The following EHD4 variants were observed in gnomAD, a reference collection of about 807,000 sequenced individuals.
The protein encoded by EHD4 is EH domain-containing protein 4.
In EHD4, 37 loss-of-function variants were observed where a neutral mutation model predicts 51.0. The ratio of observed to expected loss-of-function variants is 0.73; its 90% CI spans 0.56 to 0.95. The LOEUF (loss-of-function observed/expected upper bound fraction) is 0.95. Among genes scored for constraint, EHD4 ranks in the 40% least tolerant of loss-of-function variants. The probability of loss-of-function intolerance (pLI) is 0.00; values close to 1 mark genes in which losing one functional copy is unlikely to be tolerated. For missense variants in EHD4, 632 were observed against 733.1 expected (o/e 0.86, Z 1.59); for synonymous variants, 297 against 317.3 (o/e 0.94, Z 0.68).
intron 4 of EHD4, among the ~76,000 whole-genome samples, chr15:41,914,040 A>ATGTGTG (rs5812208): frequency 0.01 from 1,565 of 150,882 alleles, 12 homozygotes; most frequent in Non-Finnish European, 0.017. Context: ...GTGTCCAATG[A>ATGTGTG]TGTGTGTGTG....
At chr15:41,928,998 G>A (rs1349348712) in intron 3 of EHD4, 1 of 152,256 alleles carries the variant, frequency 6.6e-6, no homozygotes, top group Non-Finnish European at 1.5e-5. Flanking sequence ...GAGGCTGGAT[G>A]TGAGTTCACC....
Position 41,972,276 on chromosome 15 carries a change from G to A in EHD4, c.219C>T (p.Gly73=). The A allele has an allele frequency of 6.3e-7, 1 of 1,583,034 alleles. No individual in the cohort carries two copies. Among genetic ancestry groups the A allele is most frequent in the Non-Finnish European group, 8.6e-7 (1 of 1,166,752 alleles). The part of the protein sequence containing the change: ...MILLVGQYST[G]KTTFIRYLLE... ...GACGGTACCTGATGAAGGTGGTCTTGCCGGTGCTGTACTGGCCCACCAGCA... is the reference window on the plus strand; with the variant it reads ...GACGGTACCTGATGAAGGTGGTCTTACCGGTGCTGTACTGGCCCACCAGCA... The change falls in exon 1 of 6, where the codon GGC becomes GGT. Residue 73 remains glycine, a synonymous_variant. Transcript: ENST00000220325.
At chr15:41,903,449 TACATACACAC>T (rs900258670) in intron 5 of EHD4, among the ~76,000 whole-genome samples, 2 of 102,318 alleles carry the variant, frequency 2.0e-5, no homozygotes, top group Non-Finnish European at 4.0e-5. Context: ...GCCATTAACA[TACATACACAC>T]ACACACACAC....
At chr15:41,933,821 T>C (rs2067713505) in intron 3 of EHD4, among the ~76,000 whole-genome samples, 1 of 152,286 alleles carries the variant, frequency 6.6e-6, no homozygotes, top group African/African-American at 2.4e-5. Flanking sequence ...CTAAAAATCC[T>C]AGCTTCCGAA....
At chr15:41,931,354 A>G (rs894314300) in intron 3 of EHD4, among the ~76,000 whole-genome samples, 1 of 152,046 alleles carries the variant, frequency 6.6e-6, no homozygotes, top group Admixed American at 6.5e-5. Flanking sequence ...TCTACAAAAA[A>G]TGCAAAACAT....
intron 3 of EHD4, among the ~76,000 whole-genome samples, chr15:41,927,868 G>A (rs1236942673): frequency 6.6e-6 from 1 of 152,180 alleles, no homozygotes; most frequent in Non-Finnish European, 1.5e-5. Flanking sequence ...GTAAAATACA[G>A]TAAAATTGGT....
At chr15:41,917,436 G>A (rs997394745) in intron 4 of EHD4, among the ~76,000 whole-genome samples, 1 of 152,136 alleles carries the variant, frequency 6.6e-6, no homozygotes, top group Non-Finnish European at 1.5e-5. Flanking sequence ...TTATTTATAT[G>A]ACTGAATACA....
chr15:41,903,035 G>C (rs2067488293), intron 5 of EHD4, among the ~76,000 whole-genome samples: 1 of 151,692 alleles, frequency 6.6e-6, no homozygotes, highest in African/African-American at 2.4e-5. Context: ...GAGTTACCTA[G>C]AGCTTTACAT....
chr15:41,970,081 A>G (rs185388291), intron 1 of EHD4, among the ~76,000 whole-genome samples: 2 of 152,310 alleles, frequency 1.3e-5, no homozygotes, highest in East Asian at 3.9e-4. Flanking sequence ...TGGTTCATTT[A>G]CAGTGTCTGG....
At chr15:41,923,287 A>C (rs544712391) in intron 3 of EHD4, among the ~76,000 whole-genome samples, 1 of 152,254 alleles carries the variant, frequency 6.6e-6, no homozygotes, top group South Asian at 2.1e-4. Flanking sequence ...CTCAAGGTCC[A>C]TCTGTGGTGT....
chr15:41,906,892 T>C (rs1439186618), intron 5 of EHD4, among the ~76,000 whole-genome samples: 1 of 152,194 alleles, frequency 6.6e-6, no homozygotes, highest in African/African-American at 2.4e-5. Context: ...GTACTGGGCA[T>C]AGACCTGAGT....
intron 3 of EHD4, among the ~76,000 whole-genome samples, chr15:41,932,305 G>T (rs374896506): frequency 6.6e-6 from 1 of 152,214 alleles, no homozygotes; most frequent in African/African-American, 2.4e-5. Context: ...GTGAGTGGGC[G>T]GGTGAGCTGG....
At position 41,962,018 on chromosome 15, in the gene EHD4, GA is replaced by G. The variant is rs200620283; in HGVS notation, c.237-8079del. ...AGCAATACCCTGCCAAAAAAAATAAGAGAAATAAAAAGCCCATTCATAAGAG... is the reference window on the plus strand; with the variant it reads ...AGCAATACCCTGCCAAAAAAAATAAGGAAATAAAAAGCCCATTCATAAGAG... On this transcript the variant is annotated intron_variant, in intron 1 of 5. Transcript: ENST00000220325. Among the ~76,000 whole-genome samples the G allele has an allele frequency of 1.4e-3, 212 of 152,184 alleles. 2 individuals are homozygous for G. In the East Asian group the frequency reaches 0.021, roughly 15 times the overall value.
In EHD4 at chr15:41,953,799, T is replaced by C. The variant is rs1449983695; in HGVS notation, c.378A>G (p.Arg126=). ...AAGCGTTTCCAAAGCGACTGAGCTTTCTAAACGGCTTTTTGGGGTCCACGA... is the reference window on the plus strand; with the variant it reads ...AAGCGTTTCCAAAGCGACTGAGCTTCCTAAACGGCTTTTTGGGGTCCACGA... The part of the protein sequence containing the change: ...ALVVDPKKPF[R]KLSRFGNAFL... Residue 126 remains arginine (R), a synonymous_variant, in exon 2 of 6, where the codon AGA becomes AGG. Transcript: ENST00000220325. 6.2e-7 allele frequency: 1 copy of C among 1,612,586 alleles called. No homozygotes were observed. Among genetic ancestry groups the C allele is most frequent in the Non-Finnish European group, 8.5e-7 (1 of 1,179,616 alleles).
chr15:41,940,857 G>C (rs117595127), intron 3 of EHD4, among the ~76,000 whole-genome samples: 1,649 of 152,326 alleles, frequency 0.011, 14 homozygotes, highest in Non-Finnish European at 0.018. Flanking sequence ...CAAGACTCAG[G>C]TGAACAGAAC....
intron 1 of EHD4, among the ~76,000 whole-genome samples, chr15:41,962,792 T>G (rs1595546712): frequency 6.6e-6 from 1 of 151,720 alleles, no homozygotes; most frequent in African/African-American, 2.4e-5. Context: ...GTCTGGGAGG[T>G]GTACCCAACA....
chr15:41,970,962 C>T (rs193292231), intron 1 of EHD4, among the ~76,000 whole-genome samples: 84 of 152,252 alleles, frequency 5.5e-4, no homozygotes, highest in African/African-American at 1.4e-3. Context: ...GTCTGGGTGA[C>T]GGTGACATAT....
In EHD4 at chr15:41,900,726, G is replaced by A. The variant is rs141440763; in HGVS notation, c.1545C>T (p.Leu515=). 1.8e-5 allele frequency: 29 copies of A among 1,612,242 alleles called. 1 individual carries two copies. The highest frequency in any genetic ancestry group is 3.3e-5 in the Admixed American group (2 of 60,024). ...ALAKHLIKIK[L]DGYELPSSLP... ...GGCTGCTGGGCAGCTCGTAGCCGTC[G>A]AGCTTGATCTTGATGAGGTGCTTGG... is the stretch of plus-strand genomic sequence containing the variant. Residue 515 remains leucine (L), a synonymous_variant, in exon 6 of 6, where the codon CTC becomes CTT. Coordinates refer to ENST00000220325, the MANE Select transcript of EHD4 (RefSeq NM_139265.4). The surrounding 1 kb of genome is among the most constrained non-coding windows in gnomAD (Gnocchi z 4.8).
chr15:41,943,791 T>G (rs2140999842), intron 2 of EHD4, among the ~76,000 whole-genome samples: 1 of 152,316 alleles, frequency 6.6e-6, no homozygotes, highest in South Asian at 2.1e-4. Context: ...TGGGGCCTGT[T>G]TCCCCATCTG....
Sources: allele counts gnomAD v4.1 joint callset (sites outside exome capture counted in the v4.1 genomes callset), GRCh38; gene constraint gnomAD v4.1.1; non-coding constraint Gnocchi (gnomAD v3.1); transcripts MANE v1.5; gene names NCBI Gene and HGNC (gene_info 2026-07-23, HGNC 2026-07-21).